The following PRR16 variants were observed in gnomAD, a reference collection of about 807,000 sequenced individuals.
PRR16 encodes protein Largen.
PRR16 carries 6 observed loss-of-function variants against 18.2 expected under a neutral mutation model. The observed-to-expected ratio is 0.33, with a 90% CI of 0.18 to 0.65. The LOEUF is 0.65. Among genes scored for constraint, PRR16 ranks in the 30% least tolerant of loss-of-function variants. PRR16 has a pLI of 0.74. For missense variants in PRR16, 412 were observed against 376.6 expected (o/e 1.09, Z -0.78); for synonymous variants, 151 against 147.8 (o/e 1.02, Z -0.16).
At chr5:120,640,632 T>C (rs549197058) in intron 1 of PRR16, among the ~76,000 whole-genome samples, 1 of 152,262 alleles carries the variant, frequency 6.6e-6, no homozygotes, top group East Asian at 1.9e-4. Context: ...GATCATTACA[T>C]ATGGAATAGA....
the PRR16 span, among the ~76,000 whole-genome samples, chr5:120,785,575 G>GTTTTTTTTTTTTTTTTTTTTTT: frequency 8.7e-6 from 1 of 115,416 alleles, no homozygotes; most frequent in Non-Finnish European, 1.7e-5. Context: ...TGTTGTTGTT[G>GTTTTTTTTTTTTTTTTTTTTTT]TTTTTTTTTT....
At chr5:120,769,819 C>T in the PRR16 span, among the ~76,000 whole-genome samples, 11 of 152,008 alleles carry the variant, frequency 7.2e-5, no homozygotes, top group East Asian at 2.1e-3. Flanking sequence ...AATTTACATT[C>T]CTGCCAACAG....
chr5:120,696,569 G>T, the PRR16 span, among the ~76,000 whole-genome samples: 1 of 152,138 alleles, frequency 6.6e-6, no homozygotes, highest in African/African-American at 2.4e-5. Flanking sequence ...GAAACCACAT[G>T]CACAGAAATG....
At chr5:120,538,913 A>C (rs867461444) in intron 1 of PRR16, among the ~76,000 whole-genome samples, 33 of 152,174 alleles carry the variant, frequency 2.2e-4, no homozygotes, top group African/African-American at 7.0e-4. Flanking sequence ...TTGCATCGTG[A>C]GTTTGTTCCC....
intron 1 of PRR16, among the ~76,000 whole-genome samples, chr5:120,598,021 A>G (rs1043212797): frequency 3.3e-5 from 5 of 151,908 alleles, no homozygotes; most frequent in African/African-American, 1.2e-4. Context: ...TGGATTATGT[A>G]TACAAACATA....
chr5:120,498,629 G>A (rs1490131057), intron 1 of PRR16, among the ~76,000 whole-genome samples: 1 of 151,214 alleles, frequency 6.6e-6, no homozygotes, highest in African/African-American at 2.4e-5. Context: ...CCAGATGTTC[G>A]AAGGCTGTTT....
intron 1 of PRR16, among the ~76,000 whole-genome samples, chr5:120,612,012 G>A (rs772363371): frequency 1.3e-5 from 2 of 152,182 alleles, no homozygotes; most frequent in Non-Finnish European, 2.9e-5. Context: ...TTGCATCAGC[G>A]TGACCTTGAT....
intron 1 of PRR16, among the ~76,000 whole-genome samples, chr5:120,654,920 G>A (rs898358989): frequency 6.6e-6 from 1 of 151,842 alleles, no homozygotes; most frequent in Non-Finnish European, 1.5e-5. Context: ...CAGAAAGAGA[G>A]AGGGAAGGAT....
At chr5:120,772,249 T>C in the PRR16 span, among the ~76,000 whole-genome samples, 9 of 152,094 alleles carry the variant, frequency 5.9e-5, no homozygotes, top group Non-Finnish European at 1.2e-4. Flanking sequence ...TCCTAAGATG[T>C]TTCTTCTCAT....
the PRR16 span, among the ~76,000 whole-genome samples, chr5:120,793,383 T>C: frequency 1.3e-5 from 2 of 152,022 alleles, no homozygotes; most frequent in Non-Finnish European, 2.9e-5. Flanking sequence ...TTTGGAGATA[T>C]CACATGTCCA....
At position 120,503,763 on chromosome 5, in the gene PRR16, A is replaced by G. The variant is rs550543141; in HGVS notation, c.159+39118A>G. ...ATTAACTCGTCATTTAGCATTAGGT[A>G]TATCTCCTAATGCTATCCCTCCCCG... On this transcript the variant is annotated intron_variant, in intron 1 of 1. Coordinates refer to ENST00000407149, the MANE Select transcript of PRR16 (RefSeq NM_001300783.2). Among the ~76,000 whole-genome samples, 677 of 150,760 alleles carry G rather than the reference A, an allele frequency of 4.5e-3. 2 individuals carry two copies. The highest frequency in any genetic ancestry group is 6.8e-3 in the Non-Finnish European group (460 of 67,706).
At chr5:120,750,752 T>C in the PRR16 span, among the ~76,000 whole-genome samples, 2 of 152,168 alleles carry the variant, frequency 1.3e-5, no homozygotes, top group African/African-American at 2.4e-5. Context: ...TGTATAATGA[T>C]CAAATCTGGG....
intron 1 of PRR16, among the ~76,000 whole-genome samples, chr5:120,576,768 A>T (rs2112746250): frequency 6.6e-6 from 1 of 152,126 alleles, no homozygotes; most frequent in Middle Eastern, 3.4e-3. Context: ...TACACCATCA[A>T]GCTCTCCTGG....
At chr5:120,722,499 T>A in the PRR16 span, among the ~76,000 whole-genome samples, 1 of 152,076 alleles carries the variant, frequency 6.6e-6, no homozygotes. Context: ...AAAATGCTCT[T>A]ACAGACATTA....
the PRR16 span, among the ~76,000 whole-genome samples, chr5:120,730,280 A>G: frequency 1.3e-5 from 2 of 152,150 alleles, no homozygotes; most frequent in Non-Finnish European, 2.9e-5. Context: ...TAAGCAAAAG[A>G]ATTAATCATG....
the PRR16 span, among the ~76,000 whole-genome samples, chr5:120,755,960 C>G: frequency 7.8e-4 from 118 of 152,248 alleles, no homozygotes; most frequent in African/African-American, 2.8e-3. Flanking sequence ...TTTAAATACC[C>G]TCTAGTGGTT....
chr5:120,790,712 C>G, the PRR16 span: 1 of 152,144 alleles, frequency 6.6e-6, no homozygotes, highest in African/African-American at 2.4e-5. Context: ...ACTGTCACTT[C>G]CATTCAGGGT....
the PRR16 span, among the ~76,000 whole-genome samples, chr5:120,765,514 T>C: frequency 6.6e-6 from 1 of 152,024 alleles, no homozygotes; most frequent in Admixed American, 6.6e-5. Flanking sequence ...AAAAGAACAT[T>C]TTTTCCTGAA....
At chr5:120,684,272 G>A (rs570312534) in intron 1 of PRR16, among the ~76,000 whole-genome samples, 20 of 152,210 alleles carry the variant, frequency 1.3e-4, no homozygotes, top group African/African-American at 4.8e-4. Context: ...GCAGGCCTTC[G>A]AGACATCCAA....
Sources: gnomAD v4.1 joint callset for allele counts (sites outside exome capture counted in the v4.1 genomes callset) on GRCh38, gnomAD v4.1.1 for gene constraint, MANE v1.5 for transcripts, NCBI Gene and HGNC (gene_info 2026-07-23, HGNC 2026-07-21) for gene names.